Variants in FAN1 observed in about 807,000 individuals in gnomAD.
FAN1 encodes the protein fanconi-associated nuclease 1.
FAN1 carries 91 observed loss-of-function variants against 104.9 expected under a neutral mutation model. The ratio of observed to expected loss-of-function variants is 0.87; its 90% CI spans 0.73 to 1.03. The LOEUF is 1.03. Ranked by LOEUF, FAN1 falls within the 50% of genes least tolerant of loss-of-function variation. The probability of loss-of-function intolerance (pLI) is 0.00; values close to 1 mark genes in which losing one functional copy is unlikely to be tolerated. For synonymous variants in FAN1, 478 were observed against 457.6 expected, an observed-to-expected ratio of 1.04 and a Z score of -0.57; for missense variants, 1,263 against 1,239.9, an observed-to-expected ratio of 1.02 and a Z score of -0.28.
Position 30,913,933 on chromosome 15 carries a change from GTT to G in FAN1, c.1656_1657del (p.Ser553ValfsTer8). The G allele has an allele frequency of 6.2e-7, 1 of 1,614,154 alleles. No individual in the cohort carries two copies. Among genetic ancestry groups the G allele is most frequent in the Non-Finnish European group, 8.5e-7 (1 of 1,180,004 alleles). ...RAVFSRILLLFSLTDSMEDED... is the reference protein window; with the variant it reads ...RAVFSRILLLXSLTDSMEDED... ...CTGTGTTTTCCCGCATCTTGCTACTGTTTTCGTTGACCGACTCAATGGAAGAT... is the reference window on the plus strand; with the variant it reads ...CTGTGTTTTCCCGCATCTTGCTACTGTTCGTTGACCGACTCAATGGAAGAT... On this transcript the variant is annotated frameshift_variant, in exon 5 of 15. Coordinates refer to ENST00000362065, the MANE Select transcript of FAN1 (RefSeq NM_014967.5). LOFTEE classifies it high-confidence loss of function.
chr15:30,908,880 C>T (rs7172444), intron 3 of FAN1, among the ~76,000 whole-genome samples: 2,289 of 152,254 alleles, frequency 0.015, 57 homozygotes, highest in African/African-American at 0.053. Flanking sequence ...GCTCTCCTTC[C>T]AGCAAGAGCT....
chr15:30,908,058 C>T, intron 2 of FAN1, 60 bp from the exon 3 acceptor site: 1 of 1,393,170 alleles, frequency 7.2e-7, no homozygotes, highest in South Asian at 1.5e-5. Context: ...TACATTTATT[C>T]ACCTTAGGTT....
intron 10 of FAN1, chr15:30,926,862 T>C: frequency 1.0e-6 from 1 of 985,384 alleles, no homozygotes. Flanking sequence ...TTAAAATCGA[T>C]GCCGTGAAAC....
At chr15:30,921,934 CTG>C (rs1317961281) in intron 7 of FAN1, among the ~76,000 whole-genome samples, 10 of 152,166 alleles carry the variant, frequency 6.6e-5, no homozygotes, top group African/African-American at 1.9e-4. Context: ...GAACTTGACC[CTG>C]TGCGACTCTG....
intron 13 of FAN1, among the ~76,000 whole-genome samples, chr15:30,935,250 G>A (rs1254755339): frequency 6.6e-6 from 1 of 152,016 alleles, no homozygotes; most frequent in Non-Finnish European, 1.5e-5. Flanking sequence ...CAAGGCTGCA[G>A]TGTGCTGAGA....
intron 8 of FAN1, 124 bp from the exon 9 acceptor site, chr15:30,925,003 T>C: frequency 1.1e-6 from 1 of 944,748 alleles, no homozygotes; most frequent in Non-Finnish European, 1.6e-6. Flanking sequence ...CTAGAAGTGC[T>C]GTTTGCTCAT....
intron 4 of FAN1, among the ~76,000 whole-genome samples, chr15:30,913,362 C>G (rs1445951160): frequency 6.6e-6 from 1 of 152,174 alleles, no homozygotes; most frequent in East Asian, 1.9e-4. Context: ...TCCTTGGTGC[C>G]AAAAGCGTTG....
intron 5 of FAN1, among the ~76,000 whole-genome samples, chr15:30,915,549 AC>A (rs1279992746): frequency 1.4e-5 from 2 of 145,752 alleles, no homozygotes; most frequent in African/African-American, 5.7e-5. Context: ...CAGGAGGGTC[AC>A]TTGAGTCCAG....
rs535894731 is a variant in FAN1 at position 30,905,002 on chromosome 15, A to T, written c.339A>T (p.Gln113His). The change falls in exon 2 of 15, where the codon CAA (glutamine) becomes CAT (histidine). Residue 113 changes from glutamine to histidine, a missense_variant. Physicochemically the swap from Gln to His is conservative, Grantham distance 24. Coordinates refer to ENST00000362065, the MANE Select transcript of FAN1 (RefSeq NM_014967.5). ...PPPKTNLTPG[Q>H]SDSAKREVKQ... is the part of the protein sequence containing the mutation. Reference sequence around the variant, plus strand: ...CAAAGACAAATTTAACCCCTGGCCAAAGTGATTCAGCAAAAAGGGAAGTAA... The same window carrying T: ...CAAAGACAAATTTAACCCCTGGCCATAGTGATTCAGCAAAAAGGGAAGTAA... The T allele has an allele frequency of 4.3e-6, 7 of 1,613,986 alleles. No homozygotes were observed. The highest frequency in any genetic ancestry group is 5.9e-6 in the Non-Finnish European group (7 of 1,180,036).
intron 4 of FAN1, chr15:30,911,044 C>T: frequency 8.0e-7 from 1 of 1,254,946 alleles, no homozygotes; most frequent in South Asian, 3.5e-5. Flanking sequence ...AATCGGAAGG[C>T]AATAGGCCTT....
At chr15:30,923,605 T>C (rs2062387834) in intron 8 of FAN1, among the ~76,000 whole-genome samples, 1 of 152,204 alleles carries the variant, frequency 6.6e-6, no homozygotes, top group African/African-American at 2.4e-5. Flanking sequence ...TGCAAAGTGC[T>C]CTGCAGCCAG....
intron 4 of FAN1, chr15:30,911,489 G>T: frequency 1.0e-6 from 1 of 983,956 alleles, no homozygotes; most frequent in Non-Finnish European, 1.2e-6. Context: ...TCCTTGTTGG[G>T]GAGGTGCTAT....
chr15:30,937,418 C>CTCATTGAT (rs1566937531), intron 14 of FAN1, among the ~76,000 whole-genome samples, 159 bp downstream of exon 14: 1 of 150,812 alleles, frequency 6.6e-6, no homozygotes, highest in African/African-American at 2.4e-5. Flanking sequence ...CTTGAATACA[C>CTCATTGAT]TCATTGATTC....
At position 30,914,013 on chromosome 15, in the gene FAN1, A is replaced by G. The variant is rs748377830; in HGVS notation, c.1733A>G (p.Asn578Ser). The G allele has an allele frequency of 1.2e-5, 20 of 1,614,158 alleles. No homozygotes were observed. The highest frequency in any genetic ancestry group is 8.0e-5 in the African/African-American group (6 of 75,040). The stretch of plus-strand genomic sequence containing the variant: ...CAGCTTTCAACAGTCCTGTTGGTCA[A>G]CCTCGGCCGAATGGAGTTTCCTAGT... The part of the protein sequence containing the change: ...QGQLSTVLLV[N>S]LGRMEFPSYT... The change falls in exon 5 of 15, where the codon AAC becomes AGC. Residue 578 changes from asparagine to serine, a missense_variant. Around this residue, in one of 2 missense-constraint regions of FAN1, gnomAD observed 581 missense variants for 668.8 expected, o/e 0.87. Coordinates refer to ENST00000362065, the MANE Select transcript of FAN1 (RefSeq NM_014967.5).
At chr15:30,920,929 G>A (rs1014933972) in intron 7 of FAN1, among the ~76,000 whole-genome samples, 4 of 152,100 alleles carry the variant, frequency 2.6e-5, no homozygotes, top group Admixed American at 6.5e-5. Context: ...GACTACAGGC[G>A]TGCGCCACCA....
At chr15:30,933,653 T>C (rs1023307515) in intron 13 of FAN1, among the ~76,000 whole-genome samples, 7 of 152,088 alleles carry the variant, frequency 4.6e-5, no homozygotes, top group African/African-American at 1.7e-4. Flanking sequence ...TTGATAGTGT[T>C]GTTTAAGTTG....
chr15:30,932,221 C>CAAAAAAA lies in FAN1; in HGVS notation c.2916+1565_2916+1571dup, dbSNP rs766829435. The stretch of plus-strand genomic sequence containing the variant: ...TGGGCAACAGAGCGAGACTCCATCT[C>CAAAAAAA]AAAAAAAAAAAAAAAAAAAAAGCCA... On this transcript the variant is annotated intron_variant, in intron 13 of 14. Transcript: ENST00000362065. 8.1e-5 allele frequency among the ~76,000 whole-genome samples: 4 copies of CAAAAAAA among 49,506 alleles called. 1 individual carries two copies. The highest frequency in any genetic ancestry group is 1.4e-4 in the Non-Finnish European group (3 of 22,158). The allele number at this position is 49,506 out of a possible 152,430, so 32.5% of individuals were successfully genotyped here. A position where few individuals can be genotyped will look rare whatever the true frequency, so the allele number is the denominator to read the frequency against.
In FAN1 at chr15:30,941,929, ACTGTTCTGG is replaced by A. The variant is rs1342491964; in HGVS notation, c.*372_*380del. ...ATTCTCTAAAATACTGCTCCGTATCACTGTTCTGGCTGTCGGTTTGCTGAGCTGGATCTG... is the reference window on the plus strand; with the variant it reads ...ATTCTCTAAAATACTGCTCCGTATCACTGTCGGTTTGCTGAGCTGGATCTG... On this transcript the variant is annotated 3_prime_UTR_variant, in exon 15 of 15. Coordinates refer to ENST00000362065, the MANE Select transcript of FAN1 (RefSeq NM_014967.5). 1.2e-6 allele frequency: 2 copies of A among 1,613,840 alleles called. No homozygotes were observed. Among genetic ancestry groups the A allele is most frequent in the Non-Finnish European group, 1.7e-6 (2 of 1,179,884 alleles).
chr15:30,940,685 AC>A, intron 14 of FAN1: 1 of 987,714 alleles, frequency 1.0e-6, no homozygotes. Context: ...TTTCAGAGGA[AC>A]AAGACTCTGG....
Sources: allele counts gnomAD v4.1 joint callset (sites outside exome capture counted in the v4.1 genomes callset), GRCh38; gene constraint gnomAD v4.1.1; regional missense constraint gnomAD v4.1.1; transcripts MANE v1.5; gene names NCBI Gene and HGNC (gene_info 2026-07-23, HGNC 2026-07-21).